Variants in PRKAG2 observed in about 807,000 individuals in gnomAD.
PRKAG2 encodes protein kinase AMP-activated non-catalytic subunit gamma 2, also known as 5'-AMP-activated protein kinase subunit gamma-2.
PRKAG2 carries 26 observed loss-of-function variants against 69.6 expected under a neutral mutation model. The ratio of observed to expected loss-of-function variants is 0.37; its 90% CI spans 0.27 to 0.52. The LOEUF is 0.52. Among genes scored for constraint, PRKAG2 ranks in the 20% least tolerant of loss-of-function variants. PRKAG2 has a pLI of 0.90. For missense variants in PRKAG2, 557 were observed against 740.0 expected (o/e 0.75, Z 2.87); for synonymous variants, 293 against 285.0 (o/e 1.03, Z -0.28).
intron 3 of PRKAG2, among the ~76,000 whole-genome samples, chr7:151,741,129 C>T (rs1386180904): frequency 6.6e-6 from 1 of 152,090 alleles, no homozygotes; most frequent in Non-Finnish European, 1.5e-5. Flanking sequence ...GGGAGGATTG[C>T]TTGAGCCCGG....
intron 3 of PRKAG2, among the ~76,000 whole-genome samples, chr7:151,718,980 T>C (rs1337554098): frequency 6.6e-6 from 1 of 152,168 alleles, no homozygotes; most frequent in Non-Finnish European, 1.5e-5. Context: ...AGTAGTTTCT[T>C]AGACTCAGAT....
At chr7:151,821,209 A>G (rs990978494) in intron 1 of PRKAG2, among the ~76,000 whole-genome samples, 11 of 152,268 alleles carry the variant, frequency 7.2e-5, no homozygotes, top group African/African-American at 2.7e-4. Context: ...TGAAGCTAAG[A>G]TAAGCAAGAT....
rs148109439 is a variant in PRKAG2 at position 151,619,804 on chromosome 7, T to G, written c.754+12265A>C. 4.5e-3 allele frequency among the ~76,000 whole-genome samples: 691 copies of G among 152,288 alleles called. 5 individuals are homozygous for G. The highest frequency in any genetic ancestry group is 0.031 in the Middle Eastern group (9 of 294). ...GAGGGGCCGAGGTGGGAGGATCACC[T>G]GAGGTCAGGAGTTCAAGACCAGCCT... On this transcript the variant is annotated intron_variant, in intron 5 of 15. Coordinates refer to ENST00000287878, the MANE Select transcript of PRKAG2 (RefSeq NM_016203.4).
chr7:151,671,728 G>C (rs1832073937), intron 4 of PRKAG2, among the ~76,000 whole-genome samples: 1 of 152,248 alleles, frequency 6.6e-6, no homozygotes, highest in Admixed American at 6.5e-5. Flanking sequence ...AAAGCAGAAA[G>C]GGCTTGAGCC....
At chr7:151,655,520 T>A (rs538254129) in intron 4 of PRKAG2, among the ~76,000 whole-genome samples, 7 of 152,308 alleles carry the variant, frequency 4.6e-5, no homozygotes, top group Middle Eastern at 3.4e-3. Flanking sequence ...ATTCTGGACA[T>A]ACTACCTGGG....
chr7:151,805,723 A>G (rs34802637), intron 1 of PRKAG2, among the ~76,000 whole-genome samples: 27,321 of 152,144 alleles, frequency 0.18, 2,638 homozygotes, highest in Non-Finnish European at 0.19. Context: ...CTGAGTTTAG[A>G]GGCAATATAC....
chr7:151,613,956 C>A (rs1819500973), intron 5 of PRKAG2, among the ~76,000 whole-genome samples: 1 of 152,052 alleles, frequency 6.6e-6, no homozygotes, highest in Non-Finnish European at 1.5e-5. Context: ...GCGCACACCA[C>A]CACCCCTGGC....
At chr7:151,776,543 G>A (rs911243408) in intron 3 of PRKAG2, among the ~76,000 whole-genome samples, 4 of 152,232 alleles carry the variant, frequency 2.6e-5, no homozygotes, top group Non-Finnish European at 5.9e-5. Context: ...TGCAGTGCCT[G>A]ACTCCCTGTG....
At position 151,737,780 on chromosome 7, in the gene PRKAG2, A is replaced by G. The variant is rs556123177; in HGVS notation, c.466+43372T>C. Reference sequence around the variant, plus strand: ...GTCACTGCAGATGCCTGATGAGATAAAGATGGCTCCACACTCGGGCAACAG... The same window carrying G: ...GTCACTGCAGATGCCTGATGAGATAGAGATGGCTCCACACTCGGGCAACAG... On this transcript the variant is annotated intron_variant, in intron 3 of 15. Transcript: ENST00000287878. Among the ~76,000 whole-genome samples the G allele has an allele frequency of 4.7e-4, 72 of 152,330 alleles. No homozygotes were observed. In the Middle Eastern group the frequency reaches 0.02, roughly 43 times the overall value.
intron 3 of PRKAG2, among the ~76,000 whole-genome samples, chr7:151,680,271 A>G (rs1478071279): frequency 6.6e-6 from 1 of 152,102 alleles, no homozygotes; most frequent in Non-Finnish European, 1.5e-5. Context: ...ATTCATTACC[A>G]TGGTGCTTTT....
intron 1 of PRKAG2, among the ~76,000 whole-genome samples, chr7:151,832,522 C>T (rs376578456): frequency 6.6e-6 from 1 of 151,914 alleles, no homozygotes; most frequent in Non-Finnish European, 1.5e-5. Context: ...GGCTGAACAC[C>T]CCCTCAGAGG....
chr7:151,670,008 G>GCA (rs1831725830), intron 4 of PRKAG2, among the ~76,000 whole-genome samples: 1 of 84,714 alleles, frequency 1.2e-5, no homozygotes, highest in African/African-American at 4.6e-5. Context: ...ACACACCTGT[G>GCA]CACACACCTG....
chr7:151,559,631 T>C (rs1584906458), intron 15 of PRKAG2: 1 of 985,186 alleles, frequency 1.0e-6, no homozygotes, highest in East Asian at 1.1e-4. Flanking sequence ...TCCTTTAGGG[T>C]AGGTATTTTT....
In PRKAG2 at chr7:151,726,371, G is replaced by GACACACACACACAC. The variant is rs60238080; in HGVS notation, c.467-50748_467-50735dup. On this transcript the variant is annotated intron_variant, in intron 3 of 15. Coordinates refer to ENST00000287878, the MANE Select transcript of PRKAG2 (RefSeq NM_016203.4). The stretch of plus-strand genomic sequence containing the variant: ...GCTTACAGAATCACCAGGGAGGCAG[G>GACACACACACACAC]ACACACACACACACACACACACACA... Among the ~76,000 whole-genome samples, 325 of 148,384 alleles carry GACACACACACACAC rather than the reference G, an allele frequency of 2.2e-3. 2 individuals are homozygous for GACACACACACACAC. The highest frequency in any genetic ancestry group is 6.0e-3 in the African/African-American group (240 of 40,060).
At chr7:151,794,226 C>A (rs1160829568) in intron 1 of PRKAG2, among the ~76,000 whole-genome samples, 1 of 152,232 alleles carries the variant, frequency 6.6e-6, no homozygotes, top group African/African-American at 2.4e-5. Context: ...TGGCCCGAGG[C>A]CACCCGGGGC....
At chr7:151,795,890 T>TATATATATATAAAA (rs1491286413) in intron 1 of PRKAG2, among the ~76,000 whole-genome samples, 18 of 96,586 alleles carry the variant, frequency 1.9e-4, no homozygotes, top group African/African-American at 7.0e-4. Flanking sequence ...TATATATATA[T>TATATATATATAAAA]CACGATAATA....
intron 5 of PRKAG2, among the ~76,000 whole-genome samples, chr7:151,613,198 A>C (rs929660414): frequency 6.6e-6 from 1 of 152,092 alleles, no homozygotes; most frequent in Non-Finnish European, 1.5e-5. Context: ...AATAACTTAA[A>C]CTTTGTTTTC....
intron 1 of PRKAG2, among the ~76,000 whole-genome samples, chr7:151,844,347 G>T (rs116759166): frequency 6.6e-6 from 1 of 152,112 alleles, no homozygotes; most frequent in Admixed American, 6.5e-5. Flanking sequence ...CTACCACTCC[G>T]CGAAGTCGTG....
At chr7:151,827,757 A>AAAAAAAAC (rs2078936181) in intron 1 of PRKAG2, among the ~76,000 whole-genome samples, 1 of 147,818 alleles carries the variant, frequency 6.8e-6, no homozygotes, top group Non-Finnish European at 1.5e-5. Context: ...AAAAAAAAAA[A>AAAAAAAAC]AAAAAAAAAA....
Sources: allele counts gnomAD v4.1 joint callset (sites outside exome capture counted in the v4.1 genomes callset), GRCh38; gene constraint gnomAD v4.1.1; transcripts MANE v1.5; gene names NCBI Gene and HGNC (gene_info 2026-07-23, HGNC 2026-07-21).